Variants in PPP6R3 observed in about 807,000 individuals in gnomAD.
PPP6R3 encodes serine/threonine-protein phosphatase 6 regulatory subunit 3.
Under a neutral mutation model 110.7 loss-of-function variants are expected in PPP6R3, and 38 were observed. That is an observed-to-expected ratio of 0.34 (90% CI 0.26 to 0.45). PPP6R3 has a LOEUF of 0.45. Among genes scored for constraint, PPP6R3 ranks in the 20% least tolerant of loss-of-function variants. The pLI, the probability that PPP6R3 is intolerant of heterozygous loss-of-function variation, is 1.00. For missense variants in PPP6R3, 870 were observed against 1,062.4 expected (o/e 0.82, Z 2.52); for synonymous variants, 369 against 373.5 (o/e 0.99, Z 0.14).
chr11:68,465,796 G>C (rs574726594), intron 1 of PPP6R3, among the ~76,000 whole-genome samples: 1 of 152,354 alleles, frequency 6.6e-6, no homozygotes, highest in South Asian at 2.1e-4. Flanking sequence ...GCTTCTGTTT[G>C]CTGGTCAGTT....
chr11:68,522,316 T>A (rs912911494), intron 2 of PPP6R3, among the ~76,000 whole-genome samples: 2 of 152,214 alleles, frequency 1.3e-5, no homozygotes, highest in Non-Finnish European at 2.9e-5. Context: ...GGAGAGCTCA[T>A]CTCCTACAGG....
chr11:68,466,438 T>C (rs11820981), intron 1 of PPP6R3, among the ~76,000 whole-genome samples: 1,824 of 149,028 alleles, frequency 0.012, 17 homozygotes, highest in African/African-American at 0.028. Context: ...ATTTTCTTTT[T>C]TTTTTTTTTT....
Position 68,503,029 on chromosome 11 carries a change from C to T in PPP6R3, c.-157-16472C>T, listed in dbSNP as rs554096696. 1.3e-3 allele frequency among the ~76,000 whole-genome samples: 191 copies of T among 152,250 alleles called. 3 individuals are homozygous for T. In the South Asian group the frequency reaches 0.02, roughly 16 times the overall value. ...TGTGATACTGGCTCACTACAACCTC[C>T]GCCTCCCAGGTTGAAGTGATTCTCC... On this transcript the variant is annotated intron_variant, in intron 1 of 23. Coordinates refer to ENST00000393800, the MANE Select transcript of PPP6R3 (RefSeq NM_001164161.2).
chr11:68,465,451 T>G (rs1333906045), intron 1 of PPP6R3, among the ~76,000 whole-genome samples: 1 of 152,216 alleles, frequency 6.6e-6, no homozygotes, highest in African/African-American at 2.4e-5. Context: ...TTATCTAGTT[T>G]ATGGAATGGA....
chr11:68,603,404 A>G lies in PPP6R3; in HGVS notation c.2362A>G (p.Lys788Glu). Residue 788 changes from lysine to glutamate, a missense_variant, in exon 22 of 24, where the codon AAG (lysine) becomes GAG (glutamate). Transcript: ENST00000393800. Reference protein sequence around the residue: ...DGEEDAESTDKVTETVMNGGM... With the variant: ...DGEEDAESTDEVTETVMNGGM... ...AGAGGAGGATGCAGAAAGTACAGAC[A>G]AGGTAACTGAGACAGTGATGAATGG... 6.2e-7 allele frequency: 1 copy of G among 1,614,066 alleles called. No homozygotes were observed. The highest frequency in any genetic ancestry group is 8.5e-7 in the Non-Finnish European group (1 of 1,180,010).
intron 1 of PPP6R3, among the ~76,000 whole-genome samples, chr11:68,462,754 C>G (rs907073653): frequency 3.3e-5 from 5 of 152,202 alleles, no homozygotes; most frequent in African/African-American, 7.2e-5. Flanking sequence ...GCCCGATACT[C>G]TCCTCCATGG....
At chr11:68,510,054 C>CTTTTTTT (rs372113258) in intron 1 of PPP6R3, among the ~76,000 whole-genome samples, 5 of 76,964 alleles carry the variant, frequency 6.5e-5, no homozygotes, top group African/African-American at 1.7e-4. Context: ...TGTGCTCGGC[C>CTTTTTTT]TTTTTTTTTT....
chr11:68,519,719 G>T, intron 2 of PPP6R3, 68 bp downstream of exon 2: 1 of 397,238 alleles, frequency 2.5e-6, no homozygotes, highest in East Asian at 3.6e-5. Flanking sequence ...TGGTTCTATT[G>T]TGAGACCCTG....
chr11:68,591,355 T>G (rs983647435), intron 17 of PPP6R3, among the ~76,000 whole-genome samples: 2 of 152,216 alleles, frequency 1.3e-5, no homozygotes. Context: ...GGTCTATGCT[T>G]CTTTTTGCTA....
chr11:68,531,481 G>T (rs979992337), intron 2 of PPP6R3, among the ~76,000 whole-genome samples: 1 of 152,016 alleles, frequency 6.6e-6, no homozygotes. Context: ...GGGACTACAG[G>T]TGTGTGCCAC....
chr11:68,468,155 A>G (rs1056414211), intron 1 of PPP6R3, among the ~76,000 whole-genome samples: 15 of 152,240 alleles, frequency 9.9e-5, no homozygotes, highest in African/African-American at 3.4e-4. Context: ...CGGTGATTCC[A>G]TAGGATTGTG....
intron 1 of PPP6R3, among the ~76,000 whole-genome samples, chr11:68,489,520 T>C (rs2098969911): frequency 6.6e-6 from 1 of 151,150 alleles, no homozygotes; most frequent in Non-Finnish European, 1.5e-5. Context: ...TTATTGTGGC[T>C]CACTTTCTTT....
intron 15 of PPP6R3, chr11:68,586,200 A>G (rs2099577977): frequency 6.6e-6 from 1 of 152,170 alleles, no homozygotes; most frequent in African/African-American, 2.4e-5. Flanking sequence ...ATAAACTCAG[A>G]GCGTGGTTCA....
At chr11:68,465,738 A>G (rs899469702) in intron 1 of PPP6R3, among the ~76,000 whole-genome samples, 2 of 152,228 alleles carry the variant, frequency 1.3e-5, no homozygotes, top group Non-Finnish European at 2.9e-5. Flanking sequence ...AGAGACGACA[A>G]AGCTGTTAAG....
intron 22 of PPP6R3, among the ~76,000 whole-genome samples, chr11:68,604,203 CTTAAG>C (rs1447253100): frequency 6.6e-6 from 1 of 152,174 alleles, no homozygotes; most frequent in Non-Finnish European, 1.5e-5. Context: ...ATTCTCAAAA[CTTAAG>C]TTAAAAGCTA....
intron 10 of PPP6R3, among the ~76,000 whole-genome samples, chr11:68,567,829 T>TGG (rs2099484563): frequency 6.6e-6 from 1 of 152,050 alleles, no homozygotes; most frequent in Non-Finnish European, 1.5e-5. Flanking sequence ...GGGGGAGATG[T>TGG]GGGGGTGTTT....
chr11:68,602,245 T>G (rs2099634161), intron 21 of PPP6R3, among the ~76,000 whole-genome samples: 1 of 152,052 alleles, frequency 6.6e-6, no homozygotes, highest in African/African-American at 2.4e-5. Flanking sequence ...GTACCCAGGG[T>G]GAATAAAACT....
chr11:68,575,694 G>T (rs1475729855), intron 13 of PPP6R3, among the ~76,000 whole-genome samples: 2 of 152,136 alleles, frequency 1.3e-5, no homozygotes, highest in Admixed American at 6.5e-5. Context: ...CTACCTTAGG[G>T]CTCTTGGCCT....
intron 1 of PPP6R3, among the ~76,000 whole-genome samples, chr11:68,484,576 A>T (rs1383669449): frequency 2.7e-5 from 4 of 150,298 alleles, no homozygotes; most frequent in South Asian, 2.1e-4. Flanking sequence ...ATATATTTTT[A>T]TATATATATA....
Sources: allele counts gnomAD v4.1 joint callset (sites outside exome capture counted in the v4.1 genomes callset), GRCh38; gene constraint gnomAD v4.1.1; transcripts MANE v1.5; gene names NCBI Gene and HGNC (gene_info 2026-07-23, HGNC 2026-07-21).